The following NREP variants were observed in gnomAD, a reference collection of about 807,000 sequenced individuals.
NREP encodes neuronal regeneration-related protein.
A neutral mutation model predicts 8.6 loss-of-function variants in NREP; 5 were observed. The observed-to-expected ratio is 0.58, with a 90% confidence interval of 0.30 to 1.22. NREP has a LOEUF of 1.22. Ranked by LOEUF, NREP falls within the 50% of genes most tolerant of loss-of-function variation. NREP has a pLI of 0.07. For synonymous variants in NREP, 27 were observed against 28.0 expected (o/e 0.96, Z 0.11); for missense variants, 86 against 82.5 (o/e 1.04, Z -0.17).
At chr5:111,925,798 G>A (rs1357948284) in intron 2 of NREP, among the ~76,000 whole-genome samples, 8 of 152,182 alleles carry the variant, frequency 5.3e-5, no homozygotes, top group Non-Finnish European at 1.2e-4. Context: ...ATTAAAAAGT[G>A]TTTACTCTTC....
intron 2 of NREP, among the ~76,000 whole-genome samples, chr5:111,743,030 G>A (rs1466554606): frequency 1.3e-5 from 2 of 152,190 alleles, no homozygotes; most frequent in South Asian, 2.1e-4. Context: ...TTTCTTTTCA[G>A]CAATGAAGAG....
chr5:111,921,865 T>C (rs1463145429), intron 2 of NREP, among the ~76,000 whole-genome samples: 3 of 152,154 alleles, frequency 2.0e-5, no homozygotes, highest in South Asian at 2.1e-4. Flanking sequence ...TAAGTCTCAC[T>C]AGATCTGATG....
intron 2 of NREP, among the ~76,000 whole-genome samples, chr5:111,778,589 CA>C (rs1263126241): frequency 1.3e-5 from 2 of 152,108 alleles, no homozygotes; most frequent in African/African-American, 4.8e-5. Flanking sequence ...AGGCTTTTCC[CA>C]CACTCCATTA....
intron 2 of NREP, among the ~76,000 whole-genome samples, chr5:111,858,184 G>T (rs1753467303): frequency 6.6e-6 from 1 of 152,118 alleles, no homozygotes; most frequent in South Asian, 2.1e-4. Context: ...TCTGGAGGTA[G>T]AGCCAGTAGT....
intron 2 of NREP, among the ~76,000 whole-genome samples, chr5:111,823,966 T>C (rs1449468782): frequency 1.3e-5 from 2 of 152,238 alleles, no homozygotes; most frequent in Non-Finnish European, 2.9e-5. Flanking sequence ...AATACATGCA[T>C]ACAGATAAAT....
chr5:111,922,261 C>A (rs1221647758), intron 2 of NREP, among the ~76,000 whole-genome samples: 2 of 151,978 alleles, frequency 1.3e-5, no homozygotes, highest in African/African-American at 4.8e-5. Flanking sequence ...GGTCTCCAGG[C>A]ACAATGGAAA....
chr5:111,914,238 C>T (rs998239722), intron 2 of NREP, among the ~76,000 whole-genome samples: 1 of 152,110 alleles, frequency 6.6e-6, no homozygotes, highest in African/African-American at 2.4e-5. Flanking sequence ...ACAGTAACTT[C>T]TCTTAGAAGC....
intron 2 of NREP, among the ~76,000 whole-genome samples, chr5:111,769,726 G>T (rs1751172937): frequency 6.6e-6 from 1 of 152,190 alleles, no homozygotes; most frequent in South Asian, 2.1e-4. Flanking sequence ...TCTTACTATG[G>T]TGGAGCAGGA....
chr5:111,737,283 A>G (rs1277495331), intron 2 of NREP, among the ~76,000 whole-genome samples: 4 of 152,228 alleles, frequency 2.6e-5, no homozygotes, highest in African/African-American at 9.6e-5. Flanking sequence ...CACAGCACAC[A>G]AAAGCCCAGT....
intron 2 of NREP, among the ~76,000 whole-genome samples, chr5:111,878,294 C>T (rs1753959765): frequency 6.6e-6 from 1 of 152,196 alleles, no homozygotes; most frequent in Non-Finnish European, 1.5e-5. Context: ...TTAATTGACT[C>T]ATAGTTCTGC....
chr5:111,959,483 A>G (rs192199961), intron 2 of NREP, among the ~76,000 whole-genome samples: 182 of 152,200 alleles, frequency 1.2e-3, no homozygotes, highest in Admixed American at 1.6e-3. Context: ...ATAAACACAG[A>G]TAGTCTAAAC....
chr5:111,880,404 C>T (rs532131486), intron 2 of NREP, among the ~76,000 whole-genome samples: 7 of 152,278 alleles, frequency 4.6e-5, no homozygotes, highest in Admixed American at 3.3e-4. Flanking sequence ...GGCCAGAAGT[C>T]CAAGATCAAA....
intron 2 of NREP, among the ~76,000 whole-genome samples, chr5:111,793,911 C>G (rs1418364427): frequency 1.3e-5 from 2 of 152,028 alleles, no homozygotes; most frequent in African/African-American, 4.8e-5. Context: ...AAAATTATAG[C>G]CAGGTGTGGT....
At chr5:111,818,194 T>A (rs1004580777) in intron 2 of NREP, among the ~76,000 whole-genome samples, 2 of 152,110 alleles carry the variant, frequency 1.3e-5, no homozygotes, top group Non-Finnish European at 2.9e-5. Context: ...ATTCAGAAAA[T>A]CTGCAGTGTC....
intron 2 of NREP, among the ~76,000 whole-genome samples, chr5:111,957,980 G>GA (rs1756372474): frequency 6.6e-6 from 1 of 151,678 alleles, no homozygotes; most frequent in East Asian, 1.9e-4. Flanking sequence ...TTAAAAGAAA[G>GA]AAAAAAGCCC....
chr5:111,898,296 T>G (rs559636022), intron 2 of NREP, among the ~76,000 whole-genome samples: 42 of 152,088 alleles, frequency 2.8e-4, no homozygotes, highest in Non-Finnish European at 5.4e-4. Flanking sequence ...AGGATGGTAA[T>G]TCAGAGGTGG....
intron 2 of NREP, among the ~76,000 whole-genome samples, chr5:111,893,947 G>C (rs766606103): frequency 5.9e-5 from 9 of 152,214 alleles, no homozygotes; most frequent in Non-Finnish European, 8.8e-5. Context: ...GCCGGGCGCA[G>C]TGGCTCACGC....
intron 2 of NREP, among the ~76,000 whole-genome samples, chr5:111,971,505 G>C (rs1756818198): frequency 6.6e-6 from 1 of 152,126 alleles, no homozygotes; most frequent in Non-Finnish European, 1.5e-5. Flanking sequence ...AATTCAGTAT[G>C]GTTCTGGCAT....
chr5:111,883,891 C>A (rs531183631), intron 2 of NREP, among the ~76,000 whole-genome samples: 2 of 152,072 alleles, frequency 1.3e-5, no homozygotes, highest in African/African-American at 4.8e-5. Flanking sequence ...AAAATTCACA[C>A]CCTGACATCA....
Sources: gnomAD v4.1 joint callset for allele counts (sites outside exome capture counted in the v4.1 genomes callset) on GRCh38, gnomAD v4.1.1 for gene constraint, MANE v1.5 for transcripts, NCBI Gene and HGNC (gene_info 2026-07-23, HGNC 2026-07-21) for gene names.